PSMG1: variants seen among roughly 807,000 people sequenced by gnomAD.
PSMG1 encodes the protein Down syndrome critical region gene 2.
In PSMG1, 23 loss-of-function variants were observed where a neutral mutation model predicts 37.2. The observed-to-expected ratio is 0.62, with a 90% CI of 0.44 to 0.88. The LOEUF is 0.88. PSMG1 is among the 40% of genes least tolerant of loss of function. The pLI, the probability that PSMG1 is intolerant of heterozygous loss-of-function variation, is 0.00. For missense variants in PSMG1, 340 were observed against 344.2 expected, an observed-to-expected ratio of 0.99 and a Z score of 0.10; for synonymous variants, 127 against 128.0, an observed-to-expected ratio of 0.99 and a Z score of 0.05.
At chr21:39,180,018 G>C in intron 3 of PSMG1, 32 bp from the exon 4 acceptor site, 8 of 1,607,350 alleles carry the variant, frequency 5.0e-6, no homozygotes, top group Non-Finnish European at 6.8e-6. Context: ...TTTTTGTCAA[G>C]TAAGTTTTAT....
chr21:39,179,735 A>G (rs759587125), intron 4 of PSMG1, among the ~76,000 whole-genome samples, 189 bp downstream of exon 4: 6 of 152,138 alleles, frequency 3.9e-5, no homozygotes, highest in Non-Finnish European at 5.9e-5. Context: ...ACACAGAAGT[A>G]TAAAACACAA....
chr21:39,176,059 TC>T (rs2030616222), intron 6 of PSMG1, among the ~76,000 whole-genome samples: 1 of 152,116 alleles, frequency 6.6e-6, no homozygotes, highest in Admixed American at 6.5e-5. Flanking sequence ...ATCTTTCAAA[TC>T]CAACTAAACT....
chr21:39,183,149 A>G lies in PSMG1; in HGVS notation c.134+103T>C, dbSNP rs1001169064. ...AGGAGCGGCGGCAACCGCGGGGGCC[A>G]CTCGGAAGACCGCGGAGCCCCGGCC... On this transcript the variant is annotated intron_variant, in intron 1 of 6. Transcript: ENST00000331573. The G allele has an allele frequency of 1.0e-5, 14 of 1,356,694 alleles. No homozygotes were observed. The African/African-American group carries it at 1.8e-4, about 18-fold the overall frequency. 84.0% of individuals were successfully genotyped at this position (1,356,694 alleles called of 1,614,324 possible). A position where few individuals can be genotyped will look rare whatever the true frequency, so the allele number is the denominator to read the frequency against.
chr21:39,178,408 G>A (rs1234204753), intron 5 of PSMG1, 41 bp downstream of exon 5: 2 of 1,541,634 alleles, frequency 1.3e-6, no homozygotes, highest in Non-Finnish European at 1.8e-6. Context: ...TATCAATAAA[G>A]CAATAAGATA....
rs776321635 is a variant in PSMG1 at position 39,183,235 on chromosome 21, T to C, written c.134+17A>G. ...TCCAGCTGCGGTGAGCGCGCTGCCCTTATCCCGGTGCCTCACCTCTTCCGC... is the reference window on the plus strand; with the variant it reads ...TCCAGCTGCGGTGAGCGCGCTGCCCCTATCCCGGTGCCTCACCTCTTCCGC... On this transcript the variant is annotated intron_variant, in intron 1 of 6. Transcript: ENST00000331573. The C allele has an allele frequency of 3.8e-6, 6 of 1,570,138 alleles. No homozygotes were observed. Among genetic ancestry groups the C allele is most frequent in the Non-Finnish European group, 5.2e-6 (6 of 1,161,728 alleles).
intron 2 of PSMG1, 54 bp from the exon 3 acceptor site, chr21:39,180,490 T>C: frequency 2.0e-6 from 3 of 1,478,502 alleles, no homozygotes; most frequent in Non-Finnish European, 2.7e-6. Context: ...CTATATTTTC[T>C]ATTCAATAAA....
chr21:39,179,669 A>T (rs1256716385), intron 4 of PSMG1, among the ~76,000 whole-genome samples: 1 of 150,836 alleles, frequency 6.6e-6, no homozygotes, highest in Non-Finnish European at 1.5e-5. Context: ...ACCATCCTCA[A>T]TGCTGAGGAC....
At position 39,177,522 on chromosome 21, in the gene PSMG1, A is replaced by G; in HGVS notation, c.705T>C (p.Cys235=). Residue 235 remains cysteine, a synonymous_variant, in exon 6 of 7, where the codon TGT becomes TGC. Transcript: ENST00000331573. ...VWKIPAILYL[C]YTDVMKLDLI... is the part of the protein sequence containing the mutation. The stretch of plus-strand genomic sequence containing the variant: ...GGTCTAATTTCATCACATCAGTATA[A>G]CACAAGTACAGAATTGCTGGGATTT... 6.2e-7 allele frequency: 1 copy of G among 1,604,250 alleles called. No individual in the cohort carries two copies. The highest frequency in any genetic ancestry group is 8.5e-7 in the Non-Finnish European group (1 of 1,175,390).
intron 5 of PSMG1, among the ~76,000 whole-genome samples, chr21:39,177,827 C>G (rs1259618480): frequency 6.6e-6 from 1 of 151,936 alleles, no homozygotes; most frequent in African/African-American, 2.4e-5. Context: ...ATTTAAGTAG[C>G]TGAAAGATTA....
At chr21:39,179,022 G>A (rs2030727531) in intron 4 of PSMG1, among the ~76,000 whole-genome samples, 1 of 152,142 alleles carries the variant, frequency 6.6e-6, no homozygotes, top group Non-Finnish European at 1.5e-5. Context: ...GGTGATACGT[G>A]ACTTCTCACT....
chr21:39,181,973 G>A (rs1385622610), intron 1 of PSMG1, 95 bp from the exon 2 acceptor site: 2 of 699,614 alleles, frequency 2.9e-6, no homozygotes, highest in Non-Finnish European at 2.2e-6. Flanking sequence ...TAAATAAAAT[G>A]CACGTTAGTT....
intron 4 of PSMG1, 67 bp downstream of exon 4, chr21:39,179,857 C>T: frequency 1.5e-6 from 2 of 1,331,324 alleles, no homozygotes; most frequent in South Asian, 2.6e-5. Flanking sequence ...AGTTAAAAGA[C>T]ATCGAACCCT....
upstream of PSMG1, chr21:39,183,462 C>T (rs2146416190): frequency 6.8e-7 from 1 of 1,470,876 alleles, no homozygotes. Context: ...CACGCTCCCT[C>T]ACCGCGCGGG....
At chr21:39,180,040 A>G in intron 3 of PSMG1, 54 bp from the exon 4 acceptor site, 1 of 1,539,650 alleles carries the variant, frequency 6.5e-7, no homozygotes, top group Non-Finnish European at 8.9e-7. Flanking sequence ...CACACCACAA[A>G]CTATCACCAT....
Position 39,175,558 on chromosome 21 carries a change from A to T in PSMG1, c.*32T>A, listed in dbSNP as rs778498196. 1.3e-6 allele frequency: 2 copies of T among 1,576,034 alleles called. No individual in the cohort carries two copies. Among genetic ancestry groups the T allele is most frequent in the African/African-American group, 2.7e-5 (2 of 73,692 alleles). On this transcript the variant is annotated 3_prime_UTR_variant, in exon 7 of 7. Coordinates refer to ENST00000331573, the MANE Select transcript of PSMG1 (RefSeq NM_003720.4). ...GGCTGCTCCCCTTAAAGGAATGGAC[A>T]AGTAATATACACTACAAAACAATGT...
Position 39,179,893 on chromosome 21 carries a change from A to C in PSMG1, c.456+31T>G, listed in dbSNP as rs79955208. ...TAAAAAATGAAAACTCCTGTAGACT[A>C]ACCATTCACAGGTTTTCATTTCTCT... On this transcript the variant is annotated intron_variant, in intron 4 of 6. Coordinates refer to ENST00000331573, the MANE Select transcript of PSMG1 (RefSeq NM_003720.4). The C allele has an allele frequency of 2.8e-3, 4,517 of 1,600,474 alleles. 99 individuals carry two copies. In the African/African-American group the frequency reaches 0.051, roughly 18 times the overall value.
chr21:39,178,109 TTC>T (rs1216310574), intron 5 of PSMG1, among the ~76,000 whole-genome samples: 10 of 152,194 alleles, frequency 6.6e-5, no homozygotes, highest in African/African-American at 1.9e-4. Flanking sequence ...TATTCAAAAC[TTC>T]TGTTTTGATA....
chr21:39,180,015 C>T, intron 3 of PSMG1, 29 bp from the exon 4 acceptor site: 1 of 1,564,156 alleles, frequency 6.4e-7, no homozygotes, highest in Non-Finnish European at 8.7e-7. Flanking sequence ...CGCTTTTTGT[C>T]AAGTAAGTTT....
intron 4 of PSMG1, 33 bp from the exon 5 acceptor site, chr21:39,178,680 C>A (rs1261700103): frequency 1.9e-5 from 30 of 1,561,382 alleles, no homozygotes; most frequent in East Asian, 2.4e-5. Flanking sequence ...TTAAAAAAAA[C>A]ATATAATTTT....
Sources: gnomAD v4.1 joint callset for allele counts (sites outside exome capture counted in the v4.1 genomes callset) on GRCh38, gnomAD v4.1.1 for gene constraint, MANE v1.5 for transcripts, NCBI Gene and HGNC (gene_info 2026-07-23, HGNC 2026-07-21) for gene names.